Variants in HIVEP3 observed in about 807,000 individuals in gnomAD.
HIVEP3 encodes the protein HIVEP zinc finger 3.
A neutral mutation model predicts 152.8 loss-of-function variants in HIVEP3; 49 were observed. The ratio of observed to expected loss-of-function variants is 0.32; its 90% CI spans 0.26 to 0.41. The LOEUF is 0.41. Among genes scored for constraint, HIVEP3 ranks in the 10% least tolerant of loss-of-function variants. The pLI is 1.00. For synonymous variants in HIVEP3, 1,269 were observed against 1,289.0 expected (o/e 0.98, Z 0.33); for missense variants, 2,790 against 3,103.3 (o/e 0.90, Z 2.40).
At chr1:41,799,328 C>T (rs868745428) in intron 1 of HIVEP3, among the ~76,000 whole-genome samples, 1 of 152,204 alleles carries the variant, frequency 6.6e-6, no homozygotes, top group Non-Finnish European at 1.5e-5. Context: ...CTCTGACATT[C>T]GCCCTAGAAC....
At chr1:41,546,861 G>A (rs1020419201) in intron 5 of HIVEP3, among the ~76,000 whole-genome samples, 1 of 152,206 alleles carries the variant, frequency 6.6e-6, no homozygotes, top group Non-Finnish European at 1.5e-5. Context: ...CTTAAAGCAC[G>A]TGTAGTGCCT....
intron 1 of HIVEP3, among the ~76,000 whole-genome samples, chr1:41,926,846 T>C (rs536476576): frequency 1.3e-5 from 2 of 152,150 alleles, no homozygotes; most frequent in Non-Finnish European, 2.9e-5. Context: ...TTAGGGAAAA[T>C]ATGGATGCTT....
intron 1 of HIVEP3, among the ~76,000 whole-genome samples, chr1:41,911,974 G>A (rs1481103702): frequency 2.6e-5 from 4 of 152,196 alleles, no homozygotes; most frequent in Non-Finnish European, 5.9e-5. Flanking sequence ...TTGTCAACCA[G>A]TGAGCCTTAC....
chr1:41,534,782 T>C (rs1643357581), intron 5 of HIVEP3, among the ~76,000 whole-genome samples: 1 of 152,180 alleles, frequency 6.6e-6, no homozygotes, highest in Admixed American at 6.5e-5. Flanking sequence ...TTTAACTCAA[T>C]GCTGGGCTCC....
At chr1:41,951,069 C>T (rs1645103957) in intron 1 of HIVEP3, among the ~76,000 whole-genome samples, 1 of 152,188 alleles carries the variant, frequency 6.6e-6, no homozygotes, top group South Asian at 2.1e-4. Flanking sequence ...GAAATCCCCA[C>T]GTTTCTAACA....
intron 1 of HIVEP3, among the ~76,000 whole-genome samples, chr1:41,709,633 G>A (rs1362056946): frequency 6.6e-6 from 1 of 152,250 alleles, no homozygotes; most frequent in Non-Finnish European, 1.5e-5. Flanking sequence ...GTGATCGCCA[G>A]TCAGGGGCTC....
In HIVEP3 at chr1:41,580,139, T is replaced by C; in HGVS notation, c.4659A>G (p.Lys1553=). 6.2e-7 allele frequency: 1 copy of C among 1,614,004 alleles called. No individual in the cohort carries two copies. The highest frequency in any genetic ancestry group is 8.5e-7 in the Non-Finnish European group (1 of 1,179,922). Residue 1553 remains lysine (K), a synonymous_variant, in exon 4 of 9, where the codon AAA becomes AAG. Coordinates refer to ENST00000372583, the MANE Select transcript of HIVEP3 (RefSeq NM_024503.5). ...GATCAGGTTGTTCCTTGGAATCTTC[T>C]TTCTTCACGCTCAGTGGGGTCAACC... ...RRGLTPLSVK[K]EDSKEQPDLP... is the part of the protein sequence containing the mutation.
chr1:41,995,330 A>C (rs1645389965), intron 1 of HIVEP3, among the ~76,000 whole-genome samples: 1 of 152,216 alleles, frequency 6.6e-6, no homozygotes, highest in Non-Finnish European at 1.5e-5. Context: ...CAGCAGAAAC[A>C]GTGGAGGCTA....
At chr1:41,850,226 T>C (rs904417904) in intron 1 of HIVEP3, among the ~76,000 whole-genome samples, 3 of 152,242 alleles carry the variant, frequency 2.0e-5, no homozygotes, top group African/African-American at 7.2e-5. Flanking sequence ...CCAACAGTGT[T>C]CAATAGTATC....
chr1:41,968,663 C>T (rs1645212539), intron 1 of HIVEP3, among the ~76,000 whole-genome samples: 1 of 152,168 alleles, frequency 6.6e-6, no homozygotes, highest in Non-Finnish European at 1.5e-5. Context: ...CAAGGATGCC[C>T]TCTCTCACCA....
At chr1:42,032,181 C>T (rs980905986) in intron 1 of HIVEP3, among the ~76,000 whole-genome samples, 1 of 152,214 alleles carries the variant, frequency 6.6e-6, no homozygotes. Context: ...CACACCCCAA[C>T]CCCATCTCTG....
rs779202845 is a variant in HIVEP3 at position 41,511,251 on chromosome 1, G to A, written c.6421C>T (p.Arg2141Ter). 1.4e-5 allele frequency: 22 copies of A among 1,606,300 alleles called. No homozygotes were observed. Among genetic ancestry groups the A allele is most frequent in the South Asian group, 4.4e-5 (4 of 90,300 alleles). The change falls in exon 9 of 9, where the codon CGA becomes TGA. Residue 2141 changes from arginine (R) to a stop codon, truncating the protein, a stop_gained. Transcript: ENST00000372583. LOFTEE classifies it high-confidence loss of function. The surrounding 1 kb of genome is among the most constrained non-coding windows in gnomAD (Gnocchi z 4.9). ...GGGCCGGGTGAGCAGGAGGGACTTCGGGACTCGGCCTTCTGCTGGGGTCAG... is the reference window on the plus strand; with the variant it reads ...GGGCCGGGTGAGCAGGAGGGACTTCAGGACTCGGCCTTCTGCTGGGGTCAG... ...CASPWQKAESRSPSCSPGPAH... is the reference protein window; with the variant it reads ...CASPWQKAES
At chr1:41,551,042 T>C (rs1046818237) in intron 5 of HIVEP3, among the ~76,000 whole-genome samples, 14 of 152,258 alleles carry the variant, frequency 9.2e-5, no homozygotes, top group African/African-American at 3.1e-4. Flanking sequence ...TATTTTGAGA[T>C]ATGTTCCATC....
chr1:41,977,474 G>A (rs985168951), intron 1 of HIVEP3, among the ~76,000 whole-genome samples: 9 of 152,248 alleles, frequency 5.9e-5, no homozygotes, highest in Middle Eastern at 6.8e-3. Flanking sequence ...CCTGCCAGCC[G>A]CCGGTGGAGG....
intron 1 of HIVEP3, among the ~76,000 whole-genome samples, chr1:41,935,044 T>C (rs1418757025): frequency 6.6e-6 from 1 of 152,186 alleles, no homozygotes; most frequent in African/African-American, 2.4e-5. Context: ...TTATGTTTTA[T>C]TATTTATTCT....
At chr1:41,995,781 A>C (rs183176603) in intron 1 of HIVEP3, among the ~76,000 whole-genome samples, 5 of 152,278 alleles carry the variant, frequency 3.3e-5, no homozygotes, top group Non-Finnish European at 5.9e-5. Context: ...TTAGACTTTG[A>C]TGAGTGAGAT....
At chr1:41,735,711 C>G (rs148275514) in intron 1 of HIVEP3, among the ~76,000 whole-genome samples, 1 of 152,266 alleles carries the variant, frequency 6.6e-6, no homozygotes, top group African/African-American at 2.4e-5. Flanking sequence ...TCCGTCAGCA[C>G]AGGCAAACTC....
At chr1:41,570,909 G>A (rs956747014) in intron 5 of HIVEP3, among the ~76,000 whole-genome samples, 1 of 152,214 alleles carries the variant, frequency 6.6e-6, no homozygotes, top group African/African-American at 2.4e-5. Flanking sequence ...TTTCTTTAAA[G>A]GAAACAGAGA....
Position 41,664,213 on chromosome 1 carries a change from C to G in HIVEP3, c.-720-35266G>C, listed in dbSNP as rs757432533. On this transcript the variant is annotated intron_variant, in intron 2 of 8. Transcript: ENST00000372583. The surrounding 1 kb of genome is among the most constrained non-coding windows in gnomAD (Gnocchi z 4.4). ...CCCCCTGGGACAGATTCCTGCTCCT[C>G]ACTCCACTCCTGCCCTGCCCCCACT... is the stretch of plus-strand genomic sequence containing the variant. Among the ~76,000 whole-genome samples the G allele has an allele frequency of 4.6e-5, 7 of 152,232 alleles. No individual in the cohort carries two copies. Among genetic ancestry groups the G allele is most frequent in the African/African-American group, 7.2e-5 (3 of 41,462 alleles).
Sources: gnomAD v4.1 joint callset for allele counts (sites outside exome capture counted in the v4.1 genomes callset) on GRCh38, gnomAD v4.1.1 for gene constraint, Gnocchi (gnomAD v3.1) non-coding constraint, MANE v1.5 for transcripts, NCBI Gene and HGNC (gene_info 2026-07-23, HGNC 2026-07-21) for gene names.